The following GON4L variants were observed in gnomAD, a reference collection of about 807,000 sequenced individuals.
GON4L encodes GON-4-like protein.
GON4L carries 87 observed loss-of-function variants against 211.8 expected under a neutral mutation model. That is an observed-to-expected ratio of 0.41 (90% CI 0.35 to 0.49). GON4L has a LOEUF of 0.49. Ranked by LOEUF, GON4L falls within the 20% of genes least tolerant of loss-of-function variation. The probability of loss-of-function intolerance (pLI) is 0.15; values close to 1 mark genes in which losing one functional copy is unlikely to be tolerated. For missense variants in GON4L, 2,155 were observed against 2,659.5 expected (o/e 0.81, Z 4.17); for synonymous variants, 875 against 962.6 (o/e 0.91, Z 1.68).
chr1:155,803,731 G>A (rs759929186), intron 11 of GON4L, among the ~76,000 whole-genome samples: 1 of 152,210 alleles, frequency 6.6e-6, no homozygotes, highest in Non-Finnish European at 1.5e-5. Flanking sequence ...CTGGGCATGA[G>A]ATCAAACCAA....
At chr1:155,856,499 G>C (rs1012921308) in intron 1 of GON4L, among the ~76,000 whole-genome samples, 3 of 151,656 alleles carry the variant, frequency 2.0e-5, no homozygotes, top group African/African-American at 7.3e-5. Context: ...GCCTCCCAAA[G>C]TGCTAGGATT....
intron 17 of GON4L, among the ~76,000 whole-genome samples, chr1:155,774,440 C>T (rs1663555390): frequency 6.6e-6 from 1 of 151,812 alleles, no homozygotes; most frequent in Non-Finnish European, 1.5e-5. Flanking sequence ...TCCCGAGTAG[C>T]TGGGACTACA....
chr1:155,784,613 C>T (rs1359812663), intron 13 of GON4L: 1 of 169,394 alleles, frequency 5.9e-6, no homozygotes, highest in Non-Finnish European at 1.3e-5. Context: ...AACTCCTGAC[C>T]TCAGATGATC....
chr1:155,772,729 G>GT (rs1223872282), intron 18 of GON4L, among the ~76,000 whole-genome samples: 1 of 151,952 alleles, frequency 6.6e-6, no homozygotes, highest in African/African-American at 2.4e-5. Context: ...GGGTGACACA[G>GT]TAAGATTCTG....
chr1:155,822,299 C>T lies in GON4L; in HGVS notation c.875G>A (p.Arg292Gln), dbSNP rs747050459. 3 of 1,613,358 alleles carry T rather than the reference C, an allele frequency of 1.9e-6. No individual in the cohort carries two copies. Among genetic ancestry groups the T allele is most frequent in the South Asian group, 1.1e-5 (1 of 91,070 alleles). Residue 292 changes from arginine to glutamine, a missense_variant, in exon 4 of 32, where the codon CGA becomes CAA. By Grantham distance (43) the Arg-to-Gln change is conservative. Transcript: ENST00000368331. ...KQHNLTAVNV[R>Q]NILHEVITNE... ...AGTCTTACTCACATGAAGGATGTTT[C>T]GGACATTGACTGCTGTTAGATTGTG...
rs1284435776 is a variant in GON4L, at chr1:155,763,527, C to T, written c.4511G>A (p.Arg1504Lys). 1.9e-6 allele frequency: 3 copies of T among 1,548,878 alleles called. No homozygotes were observed. The highest frequency in any genetic ancestry group is 4.9e-5 in the East Asian group (2 of 41,064). The change falls in exon 22 of 32, where the codon AGG (arginine) becomes AAG (lysine). Residue 1504 changes from arginine to lysine, a missense_variant. Arg to Lys is a conservative substitution (Grantham distance 26). Around this residue, in one of 6 missense-constraint regions of GON4L, gnomAD observed 35 missense variants for 73.9 expected, o/e 0.47. Transcript: ENST00000368331. ...MEKLTWLASE[R>K]RMSQEGESEE... ...AGACTCACCCTCCTGACTCATGCGC[C>T]TTTCAGATGCCAGCCAAGTCAGTTT... is the stretch of plus-strand genomic sequence containing the variant.
At chr1:155,768,841 T>C (rs1662851803) in intron 19 of GON4L, among the ~76,000 whole-genome samples, 1 of 152,220 alleles carries the variant, frequency 6.6e-6, no homozygotes. Flanking sequence ...CATGATAATA[T>C]GGCTTAGAAT....
At chr1:155,761,351 ATT>A (rs111459761) in intron 23 of GON4L, among the ~76,000 whole-genome samples, 1 of 146,934 alleles carries the variant, frequency 6.8e-6, no homozygotes, top group Admixed American at 6.8e-5. Context: ...TTAGCTCACT[ATT>A]TTTTTTTTAT....
Position 155,795,156 on chromosome 1 carries a change from GA to G in GON4L, c.1646-6del, listed in dbSNP as rs779753175. 60 of 1,512,584 alleles carry G rather than the reference GA, an allele frequency of 4.0e-5. No individual in the cohort carries two copies. Among genetic ancestry groups the G allele is most frequent in the Non-Finnish European group, 4.8e-5 (52 of 1,088,310 alleles). 93.7% of individuals were successfully genotyped at this position (1,512,584 alleles called of 1,614,324 possible). ...CATCATCATCATCTGCTTCATCTAG[GA>G]AAAAAAAGTGTTTCAGATGCTCATT... On this transcript the variant is annotated splice_region_variant and splice_polypyrimidine_tract_variant and intron_variant, in intron 11 of 31. Transcript: ENST00000368331.
intron 2 of GON4L, chr1:155,845,834 C>T: frequency 4.0e-6 from 1 of 250,648 alleles, no homozygotes; most frequent in African/African-American, 2.3e-5. Context: ...AACATTTGAG[C>T]ATGTGACCAG....
chr1:155,753,294 C>T lies in GON4L; in HGVS notation c.5752G>A (p.Glu1918Lys). ...KEAGQGKDMM[E>K]EEAPEEREST... Reference sequence around the variant, plus strand: ...TCCCGCTCCTCTGGGGCTTCCTCTTCCATCATATCCTTGCCCTGCCCAGCT... The same window carrying T: ...TCCCGCTCCTCTGGGGCTTCCTCTTTCATCATATCCTTGCCCTGCCCAGCT... Residue 1918 changes from glutamate to lysine, a missense_variant, in exon 29 of 32, where the codon GAA (glutamate) becomes AAA (lysine). Around this residue, in one of 6 missense-constraint regions of GON4L, gnomAD observed 455 missense variants for 504.6 expected, o/e 0.90. Transcript: ENST00000368331. The T allele has an allele frequency of 6.2e-7, 1 of 1,613,814 alleles. No individual in the cohort carries two copies. Among genetic ancestry groups the T allele is most frequent in the Non-Finnish European group, 8.5e-7 (1 of 1,179,834 alleles).
intron 17 of GON4L, among the ~76,000 whole-genome samples, chr1:155,774,118 G>A (rs929460100): frequency 6.6e-6 from 1 of 152,096 alleles, no homozygotes; most frequent in Non-Finnish European, 1.5e-5. Flanking sequence ...TTTGGCTTAA[G>A]TAAATAGCAA....
intron 24 of GON4L, among the ~76,000 whole-genome samples, chr1:155,758,929 A>G (rs2101668738): frequency 6.6e-6 from 1 of 152,234 alleles, no homozygotes; most frequent in East Asian, 1.9e-4. Flanking sequence ...GCTACAAGGG[A>G]TCCTCCCACC....
chr1:155,817,782 G>T (rs2102222449), intron 6 of GON4L, among the ~76,000 whole-genome samples: 1 of 152,186 alleles, frequency 6.6e-6, no homozygotes, highest in African/African-American at 2.4e-5. Context: ...CAATTAGCTG[G>T]ACATGGTGGC....
intron 2 of GON4L, among the ~76,000 whole-genome samples, chr1:155,850,436 G>C (rs1041746176): frequency 6.6e-6 from 1 of 152,180 alleles, no homozygotes; most frequent in Non-Finnish European, 1.5e-5. Context: ...TGAAAATTTA[G>C]AGCCACATGC....
At chr1:155,762,456 C>G (rs1661916440) in intron 22 of GON4L, 82 bp from the exon 23 acceptor site, 1 of 1,137,562 alleles carries the variant, frequency 8.8e-7, no homozygotes, top group African/African-American at 1.5e-5. Context: ...CCACCCCAGC[C>G]AAATCCTATT....
intron 12 of GON4L, 149 bp downstream of exon 12, chr1:155,794,901 A>G (rs1164264602): frequency 3.0e-6 from 2 of 673,312 alleles, no homozygotes; most frequent in East Asian, 5.5e-5. Flanking sequence ...ATGTACCTAA[A>G]TTTAAAGAAT....
intron 14 of GON4L, among the ~76,000 whole-genome samples, chr1:155,780,067 G>A (rs1664260289): frequency 6.6e-6 from 1 of 151,902 alleles, no homozygotes; most frequent in Non-Finnish European, 1.5e-5. Context: ...CCAAATTGCT[G>A]GGATTACAGG....
intron 2 of GON4L, chr1:155,831,431 C>T (rs1014551251): frequency 3.3e-5 from 5 of 151,298 alleles, no homozygotes; most frequent in Admixed American, 2.0e-4. Context: ...GCGTGGGCTA[C>T]AGAGTAAGAC....
Sources: allele counts gnomAD v4.1 joint callset (sites outside exome capture counted in the v4.1 genomes callset), GRCh38; gene constraint gnomAD v4.1.1; regional missense constraint gnomAD v4.1.1; transcripts MANE v1.5; gene names NCBI Gene and HGNC (gene_info 2026-07-23, HGNC 2026-07-21).